Variants in TENM3 observed in about 807,000 individuals in gnomAD.
TENM3 encodes the protein teneurin-3.
In TENM3, 63 loss-of-function variants were observed where a neutral mutation model predicts 255.1. The ratio of observed to expected loss-of-function variants is 0.25; its 90% CI spans 0.20 to 0.30. TENM3 has a LOEUF of 0.30. Among genes scored for constraint, TENM3 ranks in the 10% least tolerant of loss-of-function variants. TENM3 has a pLI of 1.00. For synonymous variants in TENM3, 1,306 were observed against 1,322.3 expected, an observed-to-expected ratio of 0.99 and a Z score of 0.27; for missense variants, 2,929 against 3,461.1, an observed-to-expected ratio of 0.85 and a Z score of 3.86.
At chr4:182,640,611 A>G (rs1752219996) in intron 5 of TENM3, among the ~76,000 whole-genome samples, 1 of 152,186 alleles carries the variant, frequency 6.6e-6, no homozygotes, top group Non-Finnish European at 1.5e-5. Flanking sequence ...AGAGTCACAT[A>G]AAGAGAAGCA....
chr4:181,592,793 A>G, the TENM3 span, among the ~76,000 whole-genome samples: 1 of 151,904 alleles, frequency 6.6e-6, no homozygotes, highest in Admixed American at 6.6e-5. Context: ...TCAATTTCTC[A>G]GCAGGCAGAA....
intron 5 of TENM3, among the ~76,000 whole-genome samples, chr4:182,653,381 G>A (rs1370628757): frequency 6.6e-6 from 1 of 152,210 alleles, no homozygotes; most frequent in East Asian, 1.9e-4. Flanking sequence ...TACAGGTGTT[G>A]CAGCAAAGTA....
chr4:182,329,062 A>G (rs1763597387), intron 2 of TENM3, among the ~76,000 whole-genome samples: 1 of 152,072 alleles, frequency 6.6e-6, no homozygotes, highest in Non-Finnish European at 1.5e-5. Context: ...GTAAATATGT[A>G]TCTTGGACCC....
At chr4:182,102,724 C>T in the TENM3 span, among the ~76,000 whole-genome samples, 1 of 152,174 alleles carries the variant, frequency 6.6e-6, no homozygotes, top group Non-Finnish European at 1.5e-5. Flanking sequence ...AGGTCTGAGC[C>T]TGCCTCCGCC....
chr4:182,074,694 T>C, the TENM3 span, among the ~76,000 whole-genome samples: 8 of 152,128 alleles, frequency 5.3e-5, no homozygotes. Context: ...TAAGATGTGG[T>C]CTGCGAGAAA....
chr4:181,459,622 G>A, the TENM3 span, among the ~76,000 whole-genome samples: 17 of 151,862 alleles, frequency 1.1e-4, no homozygotes, highest in East Asian at 1.5e-3. Context: ...GATTATCTGG[G>A]ATCAGGAATT....
chr4:182,624,722 C>T (rs1043257452), intron 4 of TENM3, among the ~76,000 whole-genome samples: 20 of 152,146 alleles, frequency 1.3e-4, no homozygotes, highest in African/African-American at 4.6e-4. Flanking sequence ...CAAGCTATTT[C>T]TTCCTTCATC....
At chr4:181,488,775 G>C in the TENM3 span, among the ~76,000 whole-genome samples, 1 of 152,132 alleles carries the variant, frequency 6.6e-6, no homozygotes, top group Non-Finnish European at 1.5e-5. Flanking sequence ...AAGATTCAGA[G>C]TTCTTATCTG....
At chr4:182,038,788 C>T in the TENM3 span, among the ~76,000 whole-genome samples, 3 of 152,276 alleles carry the variant, frequency 2.0e-5, no homozygotes, top group South Asian at 6.2e-4. Flanking sequence ...AGCTGGAATG[C>T]AGTGGCGCAA....
the TENM3 span, among the ~76,000 whole-genome samples, chr4:181,916,721 A>C: frequency 6.6e-6 from 1 of 152,110 alleles, no homozygotes; most frequent in African/African-American, 2.4e-5. Flanking sequence ...TACTAAAATT[A>C]CAAAAATTAG....
At chr4:181,986,639 C>T in the TENM3 span, among the ~76,000 whole-genome samples, 1 of 152,044 alleles carries the variant, frequency 6.6e-6, no homozygotes, top group African/African-American at 2.4e-5. Flanking sequence ...CAAGCACGTC[C>T]TCTTCCCACT....
At chr4:182,393,862 A>G (rs1580397894) in intron 3 of TENM3, among the ~76,000 whole-genome samples, 1 of 152,312 alleles carries the variant, frequency 6.6e-6, no homozygotes, top group East Asian at 1.9e-4. Context: ...ATTTCTCAAA[A>G]CTATTGAGAA....
chr4:182,569,413 G>A (rs1281866671), intron 3 of TENM3, among the ~76,000 whole-genome samples: 1 of 152,048 alleles, frequency 6.6e-6, no homozygotes, highest in Admixed American at 6.6e-5. Flanking sequence ...AATAAGCCGG[G>A]CGTGGTGACA....
At chr4:181,959,336 A>T in the TENM3 span, among the ~76,000 whole-genome samples, 1 of 151,906 alleles carries the variant, frequency 6.6e-6, no homozygotes, top group African/African-American at 2.4e-5. Context: ...TGACTGACTC[A>T]CTCACTGAAG....
the TENM3 span, among the ~76,000 whole-genome samples, chr4:181,931,792 C>T: frequency 3.3e-5 from 5 of 152,160 alleles, no homozygotes; most frequent in Admixed American, 2.6e-4. Context: ...GTAACCAAAA[C>T]AGCATGGTAC....
chr4:182,574,717 T>C (rs9990438), intron 3 of TENM3, among the ~76,000 whole-genome samples: 99,380 of 151,956 alleles, frequency 0.65, 34,565 homozygotes, highest in Non-Finnish European at 0.78. Flanking sequence ...CCTACCCTAC[T>C]ATTGTCTCAA....
the TENM3 span, among the ~76,000 whole-genome samples, chr4:181,605,513 AG>A: frequency 4.8e-5 from 1 of 20,896 alleles, no homozygotes; most frequent in African/African-American, 1.2e-4. Flanking sequence ...AAAGAAAGAA[AG>A]AAAGAAAGAA....
chr4:182,789,367 G>A lies in TENM3; in HGVS notation c.5579G>A (p.Trp1860Ter). The change falls in exon 25 of 28, where the codon TGG becomes TAG. Residue 1860 changes from tryptophan (W) to a stop codon, truncating the protein, a stop_gained. Coordinates refer to ENST00000511685, the MANE Select transcript of TENM3 (RefSeq NM_001080477.4). LOFTEE classifies it high-confidence loss of function. This position sits in a 1 kb window ranked among gnomAD's most constrained non-coding sequence, Gnocchi z 4.4. ...VSRVFADGKT[W>*]SYTYLEKSMV... ...CGGGTCTTTGCTGATGGTAAAACAT[G>A]GAGTTACACATATTTAGAAAAGGTA... 6.2e-7 allele frequency: 1 copy of A among 1,612,494 alleles called. No homozygotes were observed. Among genetic ancestry groups the A allele is most frequent in the Non-Finnish European group, 8.5e-7 (1 of 1,178,912 alleles).
At chr4:182,586,095 G>A (rs13117066) in intron 3 of TENM3, among the ~76,000 whole-genome samples, 50,933 of 151,978 alleles carry the variant, frequency 0.34, 9,783 homozygotes, top group East Asian at 0.48. Context: ...CCTCTACAAA[G>A]CATTTTAACA....
Sources: gnomAD v4.1 joint callset for allele counts (sites outside exome capture counted in the v4.1 genomes callset) on GRCh38, gnomAD v4.1.1 for gene constraint, Gnocchi (gnomAD v3.1) non-coding constraint, MANE v1.5 for transcripts, NCBI Gene and HGNC (gene_info 2026-07-23, HGNC 2026-07-21) for gene names.